Variants in CNTN1 observed in about 807,000 individuals in gnomAD.
CNTN1 encodes the protein contactin 1, also known as contactin-1.
CNTN1 carries 38 observed loss-of-function variants against 126.4 expected under a neutral mutation model. That is an observed-to-expected ratio of 0.30 (90% CI 0.23 to 0.39). CNTN1 has a LOEUF of 0.39. Among genes scored for constraint, CNTN1 ranks in the 10% least tolerant of loss-of-function variants. CNTN1 has a pLI of 1.00. For missense variants in CNTN1, 1,009 were observed against 1,248.4 expected, an observed-to-expected ratio of 0.81 and a Z score of 2.89; for synonymous variants, 413 against 422.6, an observed-to-expected ratio of 0.98 and a Z score of 0.28.
At chr12:41,017,037 T>C in intron 19 of CNTN1, 121 bp downstream of exon 19, 1 of 769,476 alleles carries the variant, frequency 1.3e-6, no homozygotes, top group Non-Finnish European at 2.3e-6. Flanking sequence ...ATTATGCATT[T>C]AGTAAATGAG....
At position 41,071,298 on chromosome 12, in the gene CNTN1, C is replaced by A. The variant is rs1000015029; in HGVS notation, c.*1263C>A. On this transcript the variant is annotated 3_prime_UTR_variant, in exon 24 of 24. Coordinates refer to ENST00000551295, the MANE Select transcript of CNTN1 (RefSeq NM_001843.4). ...TTTATAAGTTGTGAAAAGGAAGATG[C>A]ACATTTCTTCATTCTCCATGGTGTG... 6.6e-6 allele frequency: 1 copy of A among 152,124 alleles called. No individual in the cohort carries two copies. Among genetic ancestry groups the A allele is most frequent in the African/African-American group, 2.4e-5 (1 of 41,434 alleles). The allele number at this position is 152,124 out of a possible 1,614,324, so 9.4% of individuals were successfully genotyped here.
At chr12:40,971,554 T>A in intron 15 of CNTN1, 1 of 1,574,250 alleles carries the variant, frequency 6.4e-7, no homozygotes, top group East Asian at 2.3e-5. Flanking sequence ...TTTTTTTTTT[T>A]TAACATATTA....
chr12:40,866,935 T>G (rs1285875871), intron 1 of CNTN1, among the ~76,000 whole-genome samples: 1 of 152,174 alleles, frequency 6.6e-6, no homozygotes, highest in Non-Finnish European at 1.5e-5. Context: ...CTGTGCAGGA[T>G]GTTTTTAAGG....
At chr12:40,779,790 A>T (rs1406234570) in intron 1 of CNTN1, among the ~76,000 whole-genome samples, 1 of 151,970 alleles carries the variant, frequency 6.6e-6, no homozygotes, top group African/African-American at 2.4e-5. Context: ...TGTCATTGCC[A>T]TTGATATCAA....
At chr12:40,863,745 G>A (rs894249803) in intron 1 of CNTN1, among the ~76,000 whole-genome samples, 25 of 126,658 alleles carry the variant, frequency 2.0e-4, no homozygotes, top group African/African-American at 8.4e-4. Flanking sequence ...TTTCTTATGA[G>A]AATCTAATGC....
rs148488919 is a variant in CNTN1, at chr12:40,766,086, G to A, written c.-77+73494G>A. On this transcript the variant is annotated intron_variant, in intron 1 of 23. Transcript: ENST00000551295. ...GGAAATTGCATTCCAGGCTGGGCAC[G>A]GTGGCTCACGCCTGTAGTCCCAGCA... Among the ~76,000 whole-genome samples, 237 of 152,122 alleles carry A rather than the reference G, an allele frequency of 1.6e-3. 1 individual carries two copies. Among genetic ancestry groups the A allele is most frequent in the African/African-American group, 5.3e-3 (219 of 41,516 alleles).
At chr12:41,018,615 T>C (rs1948834813) in intron 19 of CNTN1, among the ~76,000 whole-genome samples, 1 of 150,798 alleles carries the variant, frequency 6.6e-6, no homozygotes, top group Non-Finnish European at 1.5e-5. Flanking sequence ...TATATATAAG[T>C]ATATATGTAT....
chr12:40,959,091 A>G (rs754646198), intron 14 of CNTN1, 23 bp from the exon 15 acceptor site: 1 of 1,611,708 alleles, frequency 6.2e-7, no homozygotes, highest in South Asian at 1.1e-5. Context: ...ACTGATTTGA[A>G]TAATTGCTGT....
intron 1 of CNTN1, among the ~76,000 whole-genome samples, chr12:40,717,776 C>T (rs2121198608): frequency 6.6e-6 from 1 of 152,290 alleles, no homozygotes; most frequent in East Asian, 1.9e-4. Context: ...AAACATGGGA[C>T]ACCTGGTGGA....
intron 17 of CNTN1, among the ~76,000 whole-genome samples, chr12:40,996,494 T>C (rs1948221906): frequency 6.6e-6 from 1 of 152,250 alleles, no homozygotes; most frequent in East Asian, 1.9e-4. Context: ...TTTTTATGTT[T>C]ACAAACATAT....
intron 1 of CNTN1, among the ~76,000 whole-genome samples, chr12:40,852,457 C>G (rs1415268195): frequency 6.6e-6 from 1 of 151,938 alleles, no homozygotes; most frequent in East Asian, 1.9e-4. Context: ...CTTTCAAGCT[C>G]TTTACCAGAT....
chr12:40,883,772 T>A (rs543249660), intron 1 of CNTN1, among the ~76,000 whole-genome samples: 1 of 151,796 alleles, frequency 6.6e-6, no homozygotes, highest in South Asian at 2.1e-4. Context: ...GGAAATAGTT[T>A]TGGTTTATTA....
At chr12:40,805,323 C>T (rs989367613) in intron 1 of CNTN1, among the ~76,000 whole-genome samples, 9 of 151,900 alleles carry the variant, frequency 5.9e-5, no homozygotes, top group African/African-American at 2.2e-4. Context: ...TTCCAGAGTC[C>T]TTGGAAGCTC....
At chr12:40,915,387 A>G (rs1330676011) in intron 3 of CNTN1, among the ~76,000 whole-genome samples, 1 of 152,108 alleles carries the variant, frequency 6.6e-6, no homozygotes, top group African/African-American at 2.4e-5. Context: ...CCCTCCATAT[A>G]ATGACACTTC....
chr12:41,054,139 C>T (rs1315690813), intron 23 of CNTN1, among the ~76,000 whole-genome samples: 1 of 151,644 alleles, frequency 6.6e-6, no homozygotes, highest in Non-Finnish European at 1.5e-5. Flanking sequence ...TTATTTAGGA[C>T]TATATAGTGC....
chr12:40,711,501 A>G (rs570996855), intron 1 of CNTN1, among the ~76,000 whole-genome samples: 142 of 152,036 alleles, frequency 9.3e-4, no homozygotes, highest in African/African-American at 3.3e-3. Flanking sequence ...TACCCTCTCT[A>G]TTGACTTCCT....
intron 1 of CNTN1, among the ~76,000 whole-genome samples, chr12:40,720,963 A>ATATTATATATATATATATG (rs1942191688): frequency 7.0e-6 from 1 of 142,044 alleles, no homozygotes; most frequent in Non-Finnish European, 1.6e-5. Flanking sequence ...ATATATATAT[A>ATATTATATATATATATATG]TGTGTATATA....
At position 40,820,572 on chromosome 12, in the gene CNTN1, G is replaced by A. The variant is rs1054253586; in HGVS notation, c.-76-87785G>A. Among the ~76,000 whole-genome samples, 2 of 152,154 alleles carry A rather than the reference G, an allele frequency of 1.3e-5. 1 individual carries two copies. Among genetic ancestry groups the A allele is most frequent in the Middle Eastern group, 6.3e-3 (2 of 316 alleles). ...AGTGGTCTGGAACATGGGTACAAGTGGAGTGGTCATGATTCTAGAGTTTGG... is the reference window on the plus strand; with the variant it reads ...AGTGGTCTGGAACATGGGTACAAGTAGAGTGGTCATGATTCTAGAGTTTGG... On this transcript the variant is annotated intron_variant, in intron 1 of 23. Coordinates refer to ENST00000551295, the MANE Select transcript of CNTN1 (RefSeq NM_001843.4).
chr12:41,060,939 A>G (rs894872053), intron 23 of CNTN1, among the ~76,000 whole-genome samples: 33 of 152,302 alleles, frequency 2.2e-4, no homozygotes, highest in African/African-American at 7.5e-4. Flanking sequence ...CACAATTCAT[A>G]GATGGTTTTT....
Sources: allele counts gnomAD v4.1 joint callset (sites outside exome capture counted in the v4.1 genomes callset), GRCh38; gene constraint gnomAD v4.1.1; transcripts MANE v1.5; gene names NCBI Gene and HGNC (gene_info 2026-07-23, HGNC 2026-07-21).